Variants in ACADVL observed in about 807,000 individuals in gnomAD.
ACADVL encodes the protein very long-chain acyl-CoA dehydrogenase, mitochondrial.
In ACADVL, 73 loss-of-function variants were observed where a neutral mutation model predicts 80.4. The ratio of observed to expected loss-of-function variants is 0.91; its 90% CI spans 0.75 to 1.10. ACADVL has a LOEUF of 1.10. Ranked by LOEUF, ACADVL falls within the 50% of genes least tolerant of loss-of-function variation. The pLI is 0.00. For synonymous variants in ACADVL, 392 were observed against 326.5 expected, an observed-to-expected ratio of 1.20 and a Z score of -2.16; for missense variants, 878 against 858.9, an observed-to-expected ratio of 1.02 and a Z score of -0.28.
upstream of ACADVL, chr17:7,217,144 C>A: frequency 7.7e-7 from 1 of 1,298,292 alleles, no homozygotes; most frequent in South Asian, 2.9e-5. Flanking sequence ...CAGAGACAGT[C>A]CATGTTGGGG....
rs375651512 is a variant in ACADVL, at chr17:7,220,062, G to A, written c.62+16G>A. ...GGGGCGGAAGGTCTGTGTGTGACAA[G>A]AGGGACGGTGGGCAGCGGCCCTGGG... On this transcript the variant is annotated intron_variant, in intron 1 of 19. Coordinates refer to ENST00000356839, the MANE Select transcript of ACADVL (RefSeq NM_000018.4). 5.6e-6 allele frequency: 9 copies of A among 1,601,242 alleles called. No individual in the cohort carries two copies. The highest frequency in any genetic ancestry group is 5.3e-5 in the African/African-American group (4 of 74,896).
chr17:7,223,315 C>T, intron 11 of ACADVL, 78 bp downstream of exon 11: 1 of 1,339,360 alleles, frequency 7.5e-7, no homozygotes, highest in Non-Finnish European at 1.1e-6. Flanking sequence ...CCCCCAGCAG[C>T]ACCTGGGGCA....
Position 7,225,037 on chromosome 17 carries a change from C to A in ACADVL, c.1908C>A (p.Ser636Arg). 1 of 1,614,164 alleles carries A rather than the reference C, an allele frequency of 6.2e-7. No individual in the cohort carries two copies. The highest frequency in any genetic ancestry group is 8.5e-7 in the Non-Finnish European group (1 of 1,180,036). The change falls in exon 20 of 20, where the codon AGC (serine) becomes AGA (arginine). Residue 636 changes from serine (S) to arginine (R), a missense_variant. Coordinates refer to ENST00000356839, the MANE Select transcript of ACADVL (RefSeq NM_000018.4). ...WQQELYRNFKSISKALVERGG... is the reference protein window; with the variant it reads ...WQQELYRNFKRISKALVERGG... ...AAGAGCTCTACCGCAACTTCAAAAGCATCTCCAAGGCCTTGGTGGAGCGGG... is the reference window on the plus strand; with the variant it reads ...AAGAGCTCTACCGCAACTTCAAAAGAATCTCCAAGGCCTTGGTGGAGCGGG...
rs1214845060 is a variant in ACADVL, at chr17:7,223,137, A to C, written c.1082A>C (p.Asp361Ala). Residue 361 changes from aspartate to alanine, a missense_variant, in exon 11 of 20, where the codon GAT becomes GCT. Asp to Ala is a moderately radical substitution (Grantham distance 126). Coordinates refer to ENST00000356839, the MANE Select transcript of ACADVL (RefSeq NM_000018.4). The part of the protein sequence containing the change: ...TMRGIIAKAV[D>A]HATNRTQFGE... Reference sequence around the variant, plus strand: ...GATGTGTGGACCCTCTTCCAGGTAGATCATGCCACTAATCGTACCCAGTTT... The same window carrying C: ...GATGTGTGGACCCTCTTCCAGGTAGCTCATGCCACTAATCGTACCCAGTTT... The C allele has an allele frequency of 1.9e-6, 3 of 1,612,762 alleles. No individual in the cohort carries two copies. The African/African-American group carries it at 4.0e-5, about 22-fold the overall frequency.
At chr17:7,221,867 C>G in intron 7 of ACADVL, 85 bp from the exon 8 acceptor site, 2 of 1,608,206 alleles carry the variant, frequency 1.2e-6, no homozygotes, top group Admixed American at 3.3e-5. Flanking sequence ...TAAGGGGGAA[C>G]TGCCTGCTGG....
chr17:7,220,303 C>A, intron 2 of ACADVL, 106 bp downstream of exon 2: 1 of 1,502,488 alleles, frequency 6.7e-7, no homozygotes. Flanking sequence ...GCCTACTGCT[C>A]AGTCGCCGAA....
intron 9 of ACADVL, 57 bp from the exon 10 acceptor site, chr17:7,222,610 T>G: frequency 6.6e-7 from 1 of 1,520,106 alleles, no homozygotes; most frequent in Non-Finnish European, 9.0e-7. Context: ...GAGCAGTTTT[T>G]CCCCCAGTGA....
rs1344223701 is a variant in ACADVL at position 7,220,471 on chromosome 17, T to G, written c.146T>G (p.Leu49Arg). Residue 49 changes from leucine (L) to arginine (R), a missense_variant, in exon 3 of 20, where the codon CTG becomes CGG. Physicochemically the swap from Leu to Arg is moderately radical, Grantham distance 102 (BLOSUM62 -2). Coordinates refer to ENST00000356839, the MANE Select transcript of ACADVL (RefSeq NM_000018.4). ...AACCGTCTCTTTTCCCAGCTGGCTC[T>G]GGACAAGTCAGATTCCCACCCCTCT... ...PYAGGAAQLALDKSDSHPSDA... is the reference protein window; with the variant it reads ...PYAGGAAQLARDKSDSHPSDA... 3.1e-6 allele frequency: 5 copies of G among 1,614,086 alleles called. No individual in the cohort carries two copies. Among genetic ancestry groups the G allele is most frequent in the Non-Finnish European group, 4.2e-6 (5 of 1,180,042 alleles).
upstream of ACADVL, chr17:7,219,841 C>T (rs1425155864): frequency 3.3e-6 from 5 of 1,537,886 alleles, no homozygotes; most frequent in Middle Eastern, 3.3e-4. Flanking sequence ...AACTACAGCT[C>T]CCAGCATGCC....
At position 7,222,107 on chromosome 17, in the gene ACADVL, T is replaced by C. The variant is rs757420182; in HGVS notation, c.752+26T>C. 1.9e-6 allele frequency: 3 copies of C among 1,614,002 alleles called. No homozygotes were observed. The South Asian group carries it at 3.3e-5, about 18-fold the overall frequency. On this transcript the variant is annotated intron_variant, in intron 8 of 19. Coordinates refer to ENST00000356839, the MANE Select transcript of ACADVL (RefSeq NM_000018.4). ...GCAACCTGCCTCCCATTTCTCCCCT[T>C]CTCCTCCGCCCAATTCCAGGCCCCA...
upstream of ACADVL, chr17:7,218,887 G>A: frequency 1.2e-6 from 2 of 1,611,294 alleles, no homozygotes; most frequent in South Asian, 1.1e-5. Flanking sequence ...TAATCCTCCA[G>A]GATTGGAGTT....
chr17:7,218,220 C>A (rs41283399), upstream of ACADVL: 1 of 1,601,580 alleles, frequency 6.2e-7, no homozygotes, highest in Non-Finnish European at 8.5e-7. Context: ...GGAAGTTAGG[C>A]GCTCGCCCCC....
In ACADVL at chr17:7,221,966, G is replaced by C. The variant is rs140629318; in HGVS notation, c.637G>C (p.Ala213Pro). 1.2e-6 allele frequency: 2 copies of C among 1,614,092 alleles called. No individual in the cohort carries two copies. Among genetic ancestry groups the C allele is most frequent in the African/African-American group, 2.7e-5 (2 of 75,014 alleles). ...CTCCCCAACAGGGGAGACTGTGGCC[G>C]CTTTCTGTCTAACCGAGCCCTCAAG... is the stretch of plus-strand genomic sequence containing the variant. The part of the protein sequence containing the change: ...PKLASGETVA[A>P]FCLTEPSSGS... The change falls in exon 8 of 20, where the codon GCT (alanine) becomes CCT (proline). Residue 213 changes from alanine to proline, a missense_variant. Physicochemically the swap from Ala to Pro is conservative, Grantham distance 27. Coordinates refer to ENST00000356839, the MANE Select transcript of ACADVL (RefSeq NM_000018.4).
At chr17:7,223,495 T>G in intron 11 of ACADVL, 149 bp from the exon 12 acceptor site, 1 of 934,578 alleles carries the variant, frequency 1.1e-6, no homozygotes, top group Non-Finnish European at 1.8e-6. Context: ...AACAAATACC[T>G]GGAAGCACCT....
At chr17:7,217,722 G>A (rs542785173), upstream of ACADVL, 205 of 1,534,858 alleles carry the variant, frequency 1.3e-4, no homozygotes, top group South Asian at 1.3e-3. Context: ...GCAGGAACCC[G>A]GATAATGGGA....
In ACADVL at chr17:7,224,400, G is replaced by A. The variant is rs572010910; in HGVS notation, c.1605+7G>A. On this transcript the variant is annotated splice_region_variant and intron_variant, in intron 16 of 19. Transcript: ENST00000356839. ...GAGTCGGAGTGGCGAGCTGGTAAGTGGCCAGGGGTCCAGGAGAGCCTGCAT... is the reference window on the plus strand; with the variant it reads ...GAGTCGGAGTGGCGAGCTGGTAAGTAGCCAGGGGTCCAGGAGAGCCTGCAT... 1.6e-4 allele frequency: 260 copies of A among 1,613,732 alleles called. No individual in the cohort carries two copies. In the South Asian group the frequency reaches 2.2e-3, roughly 13 times the overall value.
chr17:7,220,972 A>C lies in ACADVL; in HGVS notation c.391A>C (p.Thr131Pro), dbSNP rs766575103. 6.2e-7 allele frequency: 1 copy of C among 1,613,944 alleles called. No individual in the cohort carries two copies. The change falls in exon 6 of 20, where the codon ACC becomes CCC. Residue 131 changes from threonine to proline, a missense_variant. Thr to Pro is a conservative substitution (Grantham distance 38, BLOSUM62 -1). Coordinates refer to ENST00000356839, the MANE Select transcript of ACADVL (RefSeq NM_000018.4). Reference protein sequence around the residue: ...KNDALEMVEETTWQGLKELGA... With the variant: ...KNDALEMVEEPTWQGLKELGA... Reference sequence around the variant, plus strand: ...TGACGCTCTGGAGATGGTGGAGGAGACCACTTGGCAGGGCCTCAAGGAGCT... The same window carrying C: ...TGACGCTCTGGAGATGGTGGAGGAGCCCACTTGGCAGGGCCTCAAGGAGCT...
chr17:7,222,342 C>T, intron 9 of ACADVL, 40 bp downstream of exon 9: 2 of 1,605,134 alleles, frequency 1.2e-6, no homozygotes, highest in Non-Finnish European at 1.7e-6. Context: ...GACTGAGGGG[C>T]AGGACTGGGC....
intron 6 of ACADVL, 175 bp from the exon 7 acceptor site, chr17:7,221,362 GC>G: frequency 8.6e-7 from 1 of 1,162,436 alleles, no homozygotes; most frequent in Admixed American, 1.9e-5. Flanking sequence ...AGCATTCTCT[GC>G]TGTGCCCTTT....
Sources: allele counts gnomAD v4.1 joint callset, GRCh38; gene constraint gnomAD v4.1.1; transcripts MANE v1.5; gene names NCBI Gene and HGNC (gene_info 2026-07-23, HGNC 2026-07-21).